COL24A1: variants seen among roughly 807,000 people sequenced by gnomAD.
The protein encoded by COL24A1 is collagen type XXIV alpha 1 chain, also known as collagen alpha-1(XXIV) chain.
A neutral mutation model predicts 253.9 loss-of-function variants in COL24A1; 224 were observed. The ratio of observed to expected loss-of-function variants is 0.88; its 90% CI spans 0.79 to 0.99. The LOEUF (loss-of-function observed/expected upper bound fraction) is 0.99. COL24A1 is among the 50% of genes least tolerant of loss of function. The pLI is 0.00. For synonymous variants in COL24A1, 685 were observed against 673.7 expected (o/e 1.02, Z -0.26); for missense variants, 2,131 against 2,068.5 (o/e 1.03, Z -0.59).
intron 24 of COL24A1, among the ~76,000 whole-genome samples, chr1:85,925,150 C>T (rs1201016161): frequency 6.6e-6 from 1 of 152,132 alleles, no homozygotes; most frequent in Non-Finnish European, 1.5e-5. Context: ...GAACTACAAA[C>T]CACTGAACAA....
intron 31 of COL24A1, among the ~76,000 whole-genome samples, chr1:85,892,709 A>G (rs1683254455): frequency 6.6e-6 from 1 of 152,108 alleles, no homozygotes; most frequent in Non-Finnish European, 1.5e-5. Context: ...TAAAATAATT[A>G]TAGCATAAAA....
intron 52 of COL24A1, among the ~76,000 whole-genome samples, chr1:85,780,723 C>T (rs1669054498): frequency 6.6e-6 from 1 of 152,046 alleles, no homozygotes; most frequent in Non-Finnish European, 1.5e-5. Context: ...AAACATTTTC[C>T]CCTACTTCCT....
At chr1:85,844,194 T>C (rs1045299575) in intron 39 of COL24A1, among the ~76,000 whole-genome samples, 6 of 152,112 alleles carry the variant, frequency 3.9e-5, no homozygotes, top group Non-Finnish European at 7.4e-5. Flanking sequence ...AAGAAAATTT[T>C]AGTAAATTTC....
chr1:85,947,044 G>A (rs1048137496), intron 24 of COL24A1, among the ~76,000 whole-genome samples: 3 of 152,176 alleles, frequency 2.0e-5, no homozygotes, highest in African/African-American at 2.4e-5. Context: ...AAAATAATTA[G>A]CACATGGCAT....
intron 2 of COL24A1, among the ~76,000 whole-genome samples, chr1:86,140,021 T>C (rs1650843236): frequency 6.6e-6 from 1 of 152,216 alleles, no homozygotes; most frequent in African/African-American, 2.4e-5. Flanking sequence ...TTTTATTTTA[T>C]TTTTTCAATA....
intron 52 of COL24A1, among the ~76,000 whole-genome samples, chr1:85,781,016 A>G (rs755523222): frequency 6.6e-6 from 1 of 152,098 alleles, no homozygotes; most frequent in Non-Finnish European, 1.5e-5. Context: ...CTCAACTCCA[A>G]TTATAAACAC....
chr1:85,741,627 A>G (rs150333162), intron 57 of COL24A1, among the ~76,000 whole-genome samples: 6 of 152,284 alleles, frequency 3.9e-5, no homozygotes, highest in African/African-American at 1.4e-4. Context: ...AAGCTTCTCA[A>G]CATACTGGGG....
intron 19 of COL24A1, among the ~76,000 whole-genome samples, chr1:86,004,299 T>C (rs613060): frequency 0.72 from 108,891 of 152,034 alleles, 40,453 homozygotes; most frequent in African/African-American, 0.9. Context: ...CTACTAGCAC[T>C]ACTATCTAGA....
intron 20 of COL24A1, among the ~76,000 whole-genome samples, chr1:85,986,065 C>T (rs1015831319): frequency 4.0e-5 from 6 of 151,850 alleles, no homozygotes; most frequent in Non-Finnish European, 7.4e-5. Flanking sequence ...GTGCTATCTT[C>T]CCTGCAAAAC....
At chr1:86,004,003 T>G (rs765590653) in intron 19 of COL24A1, among the ~76,000 whole-genome samples, 3 of 152,144 alleles carry the variant, frequency 2.0e-5, no homozygotes, top group Non-Finnish European at 4.4e-5. Flanking sequence ...ATCAAATGAA[T>G]GGAGAAGACA....
chr1:85,880,673 AAT>A (rs1332866847), intron 32 of COL24A1, among the ~76,000 whole-genome samples: 1 of 152,070 alleles, frequency 6.6e-6, no homozygotes, highest in East Asian at 1.9e-4. Context: ...TTTTTTAAAA[AAT>A]ATGTTTTTCA....
At chr1:85,857,840 G>A (rs1678630942) in intron 37 of COL24A1, among the ~76,000 whole-genome samples, 1 of 152,108 alleles carries the variant, frequency 6.6e-6, no homozygotes, top group African/African-American at 2.4e-5. Context: ...CCACTAATCA[G>A]TAAGTAGGAG....
intron 47 of COL24A1, among the ~76,000 whole-genome samples, chr1:85,793,022 T>A (rs1486137791): frequency 6.6e-6 from 1 of 152,286 alleles, no homozygotes; most frequent in East Asian, 1.9e-4. Flanking sequence ...GTTGAGAGAA[T>A]GGTATTTAAA....
chr1:85,766,903 A>C (rs1667440472), intron 53 of COL24A1, among the ~76,000 whole-genome samples: 1 of 152,028 alleles, frequency 6.6e-6, no homozygotes, highest in Non-Finnish European at 1.5e-5. Flanking sequence ...CAGGAGATCA[A>C]ACCATCCTGG....
intron 19 of COL24A1, among the ~76,000 whole-genome samples, chr1:86,014,509 T>C (rs1302931120): frequency 2.0e-5 from 3 of 152,210 alleles, no homozygotes; most frequent in Non-Finnish European, 4.4e-5. Context: ...TTTAAGACTC[T>C]TATTAGACTA....
At chr1:86,047,980 A>C (rs1430499178) in intron 11 of COL24A1, among the ~76,000 whole-genome samples, 1 of 152,154 alleles carries the variant, frequency 6.6e-6, no homozygotes, top group Non-Finnish European at 1.5e-5. Flanking sequence ...TTTAAAAAAT[A>C]CTCATGTATC....
chr1:85,972,450 A>C (rs1692263055), intron 20 of COL24A1, among the ~76,000 whole-genome samples: 1 of 152,222 alleles, frequency 6.6e-6, no homozygotes, highest in Non-Finnish European at 1.5e-5. Context: ...AAACAGCACC[A>C]TTCAAGAAAC....
At chr1:85,829,839 A>C (rs546050592) in intron 43 of COL24A1, among the ~76,000 whole-genome samples, 1 of 151,894 alleles carries the variant, frequency 6.6e-6, no homozygotes. Flanking sequence ...TTTTTTTCAA[A>C]GTTTTCAACT....
chr1:85,766,229 G>T (rs1181665958), intron 53 of COL24A1, among the ~76,000 whole-genome samples: 1 of 151,800 alleles, frequency 6.6e-6, no homozygotes, highest in Non-Finnish European at 1.5e-5. Context: ...AATTAGCTGG[G>T]TGTGGTGCTG....
Sources: allele counts gnomAD v4.1 joint callset (sites outside exome capture counted in the v4.1 genomes callset), GRCh38; gene constraint gnomAD v4.1.1; transcripts MANE v1.5; gene names NCBI Gene and HGNC (gene_info 2026-07-23, HGNC 2026-07-21).